Variants in LARP1B observed in about 807,000 individuals in gnomAD.
LARP1B encodes the protein la-related protein 1B.
Under a neutral mutation model 114.2 loss-of-function variants are expected in LARP1B, and 76 were observed. The ratio of observed to expected loss-of-function variants is 0.67; its 90% CI spans 0.55 to 0.81. LARP1B has a LOEUF of 0.81. LARP1B is among the 30% of genes least tolerant of loss of function. The pLI, the probability that LARP1B is intolerant of heterozygous loss-of-function variation, is 0.00. For missense variants in LARP1B, 1,014 were observed against 1,075.8 expected (o/e 0.94, Z 0.80); for synonymous variants, 345 against 348.0 (o/e 0.99, Z 0.10).
At chr4:128,096,934 T>C (rs1407473397) in intron 7 of LARP1B, among the ~76,000 whole-genome samples, 1 of 151,600 alleles carries the variant, frequency 6.6e-6, no homozygotes, top group South Asian at 2.1e-4. Context: ...ACAGTCTTGC[T>C]CTCGCCCAGG....
chr4:128,116,245 G>T (rs1785779393), intron 10 of LARP1B, among the ~76,000 whole-genome samples: 1 of 152,156 alleles, frequency 6.6e-6, no homozygotes, highest in Non-Finnish European at 1.5e-5. Flanking sequence ...TCACAAATGA[G>T]TGCAAGTAAA....
intron 12 of LARP1B, among the ~76,000 whole-genome samples, chr4:128,163,909 C>G (rs934748355): frequency 6.6e-6 from 1 of 152,098 alleles, no homozygotes; most frequent in Non-Finnish European, 1.5e-5. Flanking sequence ...GTTGAGCCCC[C>G]ACCAAGGTTG....
At chr4:128,181,255 C>T (rs1018745023) in intron 15 of LARP1B, among the ~76,000 whole-genome samples, 1 of 149,618 alleles carries the variant, frequency 6.7e-6, no homozygotes, top group African/African-American at 2.5e-5. Flanking sequence ...ATGATCTTGG[C>T]TCACTTCAAC....
chr4:128,176,513 C>T (rs192180341), intron 12 of LARP1B, among the ~76,000 whole-genome samples: 391 of 151,896 alleles, frequency 2.6e-3, no homozygotes, highest in African/African-American at 8.5e-3. Flanking sequence ...AGGCTGGTCT[C>T]GAGCTGCTGA....
intron 12 of LARP1B, 38 bp from the exon 13 acceptor site, chr4:128,176,834 A>G (rs764537366): frequency 1.9e-6 from 3 of 1,593,968 alleles, no homozygotes; most frequent in Non-Finnish European, 2.6e-6. Flanking sequence ...TAAAATGCAG[A>G]CACAGCACAA....
At chr4:128,221,462 T>C (rs149291540) in intron 7 of LARP1B, among the ~76,000 whole-genome samples, 75 of 152,302 alleles carry the variant, frequency 4.9e-4, no homozygotes, top group African/African-American at 1.7e-3. Context: ...TCCTTGCAAA[T>C]TGAGAAATAC....
chr4:128,075,141 C>G (rs752633445), intron 3 of LARP1B, 148 bp downstream of exon 3: 10 of 622,640 alleles, frequency 1.6e-5, no homozygotes, highest in Non-Finnish European at 2.8e-5. Flanking sequence ...CTTGCTCTGT[C>G]TCCAGGCTGG....
intron 10 of LARP1B, among the ~76,000 whole-genome samples, chr4:128,116,442 G>A (rs1272411121): frequency 1.3e-5 from 2 of 152,164 alleles, no homozygotes; most frequent in Non-Finnish European, 2.9e-5. Flanking sequence ...ATAAACTTGG[G>A]GAGAATGCCA....
chr4:128,074,776 A>G (rs967574581), intron 2 of LARP1B, among the ~76,000 whole-genome samples, 158 bp from the exon 3 acceptor site: 9 of 152,196 alleles, frequency 5.9e-5, no homozygotes, highest in Non-Finnish European at 8.8e-5. Context: ...AAAATGTTCT[A>G]TTGTTTGCAG....
intron 9 of LARP1B, among the ~76,000 whole-genome samples, chr4:128,110,660 G>C (rs1442198619): frequency 2.6e-5 from 1 of 38,888 alleles, no homozygotes; most frequent in Non-Finnish European, 4.0e-5. Context: ...CTGGGCGACA[G>C]AGCGAGACTC....
chr4:128,098,203 T>G lies in LARP1B; in HGVS notation c.686T>G (p.Val229Gly). The change falls in exon 8 of 20, where the codon GTA (valine) becomes GGA (glycine). Residue 229 changes from valine to glycine, a missense_variant. Val to Gly is a moderately radical substitution (Grantham distance 109). Transcript: ENST00000326639. ...IKRQIEYYFS[V>G]ENLERDFFLR... ...CTTTTCAGTGAATATTACTTCAGTG[T>G]AGAAAATTTGGAACGAGACTTCTTT... The G allele has an allele frequency of 1.2e-6, 2 of 1,610,468 alleles. No individual in the cohort carries two copies. Among genetic ancestry groups the G allele is most frequent in the Non-Finnish European group, 1.7e-6 (2 of 1,176,762 alleles).
intron 5 of LARP1B, among the ~76,000 whole-genome samples, chr4:128,084,621 AGGGGAGAGGGGAG>A (rs1366095064): frequency 6.6e-6 from 1 of 150,876 alleles, no homozygotes; most frequent in Non-Finnish European, 1.5e-5. Flanking sequence ...CGAGAGGGAG[AGGGGAGAGGGGAG>A]GGGGAGAGGG....
At chr4:128,155,659 G>C (rs2150365700) in intron 11 of LARP1B, 1 of 1,565,306 alleles carries the variant, frequency 6.4e-7, no homozygotes, top group East Asian at 2.2e-5. Context: ...GCCGCCTCCA[G>C]TGGTGTGTCC....
chr4:128,105,325 T>C (rs774008358), intron 8 of LARP1B, among the ~76,000 whole-genome samples: 31 of 152,216 alleles, frequency 2.0e-4, no homozygotes, highest in African/African-American at 7.2e-4. Context: ...TGATTTCTTC[T>C]GTCTCTGAGT....
chr4:128,151,644 C>A (rs1015571929), intron 11 of LARP1B, among the ~76,000 whole-genome samples: 5 of 151,994 alleles, frequency 3.3e-5, no homozygotes, highest in Non-Finnish European at 7.4e-5. Context: ...GCTCTGTCAC[C>A]CAGGCTGGAG....
intron 11 of LARP1B, among the ~76,000 whole-genome samples, chr4:128,125,490 G>T (rs1381116017): frequency 6.6e-6 from 1 of 152,266 alleles, no homozygotes; most frequent in African/African-American, 2.4e-5. Flanking sequence ...GCTCACGCCT[G>T]TAATCCCAGC....
At position 128,121,869 on chromosome 4, in the gene LARP1B, C is replaced by G; in HGVS notation, c.1205C>G (p.Ser402Cys). The G allele has an allele frequency of 1.2e-6, 2 of 1,609,550 alleles. No individual in the cohort carries two copies. Among genetic ancestry groups the G allele is most frequent in the Non-Finnish European group, 1.7e-6 (2 of 1,178,402 alleles). Residue 402 changes from serine (S) to cysteine (C), a missense_variant, in exon 11 of 20, where the codon TCT becomes TGT. Coordinates refer to ENST00000326639, the MANE Select transcript of LARP1B (RefSeq NM_018078.4). ...GAAGGGTCATTAAATCAGCTATGTT[C>G]TTCAGAAGAACCAGAACAAGAAGAA... ...VPEGSLNQLC[S>C]SEEPEQEELD...
At chr4:128,060,876 G>C (rs998393792), upstream of LARP1B, among the ~76,000 whole-genome samples, 3 of 152,190 alleles carry the variant, frequency 2.0e-5, no homozygotes, top group Non-Finnish European at 4.4e-5. Context: ...CCCCAGGCCG[G>C]GGGTCGACAC....
chr4:128,187,313 C>T (rs1162048357), intron 15 of LARP1B, among the ~76,000 whole-genome samples: 2 of 152,228 alleles, frequency 1.3e-5, no homozygotes, highest in Non-Finnish European at 2.9e-5. Flanking sequence ...AAGCCATAGG[C>T]ATGGAGCTGC....
Sources: gnomAD v4.1 joint callset for allele counts (sites outside exome capture counted in the v4.1 genomes callset) on GRCh38, gnomAD v4.1.1 for gene constraint, MANE v1.5 for transcripts, NCBI Gene and HGNC (gene_info 2026-07-23, HGNC 2026-07-21) for gene names.